Variants in SGCZ observed in about 807,000 individuals in gnomAD.
The protein encoded by SGCZ is zeta-sarcoglycan.
In SGCZ, 40 loss-of-function variants were observed where a neutral mutation model predicts 41.3. The observed-to-expected ratio is 0.97, with a 90% CI of 0.75 to 1.26. SGCZ has a LOEUF of 1.26. Among genes scored for constraint, SGCZ ranks in the 50% most tolerant of loss-of-function variants. SGCZ has a pLI of 0.00. For synonymous variants in SGCZ, 206 were observed against 137.5 expected (o/e 1.50, Z -3.49); for missense variants, 552 against 369.8 (o/e 1.49, Z -4.04).
chr8:14,909,628 G>C (rs1799225172), intron 1 of SGCZ, among the ~76,000 whole-genome samples: 1 of 151,852 alleles, frequency 6.6e-6, no homozygotes, highest in Non-Finnish European at 1.5e-5. Flanking sequence ...AAGTCTTTTA[G>C]TAAATAATAT....
At chr8:14,679,800 T>C (rs72607334) in intron 1 of SGCZ, among the ~76,000 whole-genome samples, 30,141 of 151,884 alleles carry the variant, frequency 0.2, 3,618 homozygotes, top group East Asian at 0.44. Context: ...GAATAACTTC[T>C]AGACCTGCAA....
At chr8:14,559,079 A>T (rs903716863) in intron 1 of SGCZ, among the ~76,000 whole-genome samples, 11 of 152,122 alleles carry the variant, frequency 7.2e-5, no homozygotes, top group Non-Finnish European at 1.3e-4. Context: ...CAAGATAAGG[A>T]TGTCCCCTCT....
intron 1 of SGCZ, among the ~76,000 whole-genome samples, chr8:14,611,330 CTA>C (rs975411893): frequency 1.7e-4 from 10 of 57,322 alleles, no homozygotes; most frequent in Admixed American, 1.6e-3. Context: ...ATATGTGGGT[CTA>C]TGTGTGTGTG....
rs541254582 is a variant in SGCZ at position 14,474,533 on chromosome 8, G to T, written c.234+80199C>A. 3.3e-3 allele frequency among the ~76,000 whole-genome samples: 502 copies of T among 152,208 alleles called. 1 individual carries two copies. The highest frequency in any genetic ancestry group is 0.012 in the African/African-American group (487 of 41,554). On this transcript the variant is annotated intron_variant, in intron 2 of 7. Coordinates refer to ENST00000382080, the MANE Select transcript of SGCZ (RefSeq NM_139167.4). ...AATTATTCCTCAATGTTTAGTCATG[G>T]TTTTACTTTGTAGAGCGCTCCATGA...
At chr8:14,948,732 G>C (rs1316234418) in intron 1 of SGCZ, among the ~76,000 whole-genome samples, 2 of 152,060 alleles carry the variant, frequency 1.3e-5, no homozygotes, top group East Asian at 1.9e-4. Context: ...ACAAGACTAA[G>C]CCTTCTATCC....
chr8:14,959,428 C>A (rs1002370851), intron 1 of SGCZ, among the ~76,000 whole-genome samples: 1 of 152,054 alleles, frequency 6.6e-6, no homozygotes, highest in East Asian at 1.9e-4. Context: ...ACATAGAGTA[C>A]CCTCCAAATT....
chr8:14,586,536 T>C (rs1805063767), intron 1 of SGCZ, among the ~76,000 whole-genome samples: 1 of 152,158 alleles, frequency 6.6e-6, no homozygotes, highest in African/African-American at 2.4e-5. Flanking sequence ...CATTTATTAA[T>C]TTTAAATATT....
intron 3 of SGCZ, among the ~76,000 whole-genome samples, chr8:14,267,102 T>C (rs1423466958): frequency 6.6e-6 from 1 of 152,112 alleles, no homozygotes; most frequent in Non-Finnish European, 1.5e-5. Context: ...ATAATGAGTG[T>C]GGTAGATAAT....
chr8:14,433,025 T>G (rs28743113), intron 2 of SGCZ, among the ~76,000 whole-genome samples: 18,668 of 151,448 alleles, frequency 0.12, 3,045 homozygotes, highest in African/African-American at 0.37. Flanking sequence ...ACATTGTTTC[T>G]CAAACTTAAA....
At chr8:14,726,063 C>A (rs1452465597) in intron 1 of SGCZ, among the ~76,000 whole-genome samples, 1 of 151,638 alleles carries the variant, frequency 6.6e-6, no homozygotes, top group African/African-American at 2.4e-5. Flanking sequence ...TCGAGACCAT[C>A]CTGGCTAACA....
At chr8:15,123,777 T>C (rs992915265) in intron 1 of SGCZ, among the ~76,000 whole-genome samples, 5 of 152,192 alleles carry the variant, frequency 3.3e-5, no homozygotes, top group African/African-American at 1.2e-4. Flanking sequence ...CATAATGCGA[T>C]AAGCATAACA....
chr8:15,006,190 G>T (rs1011796689), intron 1 of SGCZ, among the ~76,000 whole-genome samples: 1 of 152,114 alleles, frequency 6.6e-6, no homozygotes, highest in African/African-American at 2.4e-5. Context: ...CAACGTGGAA[G>T]AATACCCTAA....
At chr8:14,612,264 C>T (rs1235340150) in intron 1 of SGCZ, among the ~76,000 whole-genome samples, 1 of 152,136 alleles carries the variant, frequency 6.6e-6, no homozygotes, top group Non-Finnish European at 1.5e-5. Context: ...GGTCAGTCTC[C>T]TCCATGCTGT....
intron 5 of SGCZ, among the ~76,000 whole-genome samples, chr8:14,128,252 C>G (rs1048828267): frequency 6.6e-6 from 1 of 152,148 alleles, no homozygotes; most frequent in African/African-American, 2.4e-5. Context: ...AAATGGCCAA[C>G]AAGCCATTTG....
intron 3 of SGCZ, among the ~76,000 whole-genome samples, chr8:14,281,787 T>C (rs1224596088): frequency 6.6e-6 from 1 of 152,102 alleles, no homozygotes; most frequent in Admixed American, 6.6e-5. Flanking sequence ...GTAATAAATA[T>C]AAGTACACTT....
At chr8:15,040,085 C>G (rs12546359) in intron 1 of SGCZ, among the ~76,000 whole-genome samples, 75,035 of 152,116 alleles carry the variant, frequency 0.49, 19,284 homozygotes, top group Admixed American at 0.58. Context: ...TATTCAAGCT[C>G]ATACAGCAGC....
At chr8:14,148,435 G>A (rs973521909) in intron 5 of SGCZ, among the ~76,000 whole-genome samples, 2 of 151,904 alleles carry the variant, frequency 1.3e-5, no homozygotes, top group African/African-American at 2.4e-5. Flanking sequence ...AAATCTAGAA[G>A]AAATGGACAA....
At chr8:14,863,847 G>T (rs1344799344) in intron 1 of SGCZ, among the ~76,000 whole-genome samples, 1 of 152,030 alleles carries the variant, frequency 6.6e-6, no homozygotes, top group Non-Finnish European at 1.5e-5. Flanking sequence ...TATACTCAGG[G>T]GGGCAATTAG....
At chr8:14,871,224 G>C (rs938510801) in intron 1 of SGCZ, among the ~76,000 whole-genome samples, 4 of 151,694 alleles carry the variant, frequency 2.6e-5, no homozygotes, top group Non-Finnish European at 5.9e-5. Flanking sequence ...AAAAAAAAAA[G>C]TCAGGAAACA....
Sources: allele counts gnomAD v4.1 joint callset (sites outside exome capture counted in the v4.1 genomes callset), GRCh38; gene constraint gnomAD v4.1.1; transcripts MANE v1.5; gene names NCBI Gene and HGNC (gene_info 2026-07-23, HGNC 2026-07-21).